SAP130: variants seen among roughly 807,000 people sequenced by gnomAD.
The protein encoded by SAP130 is histone deacetylase complex subunit SAP130.
SAP130 carries 16 observed loss-of-function variants against 103.2 expected under a neutral mutation model. The ratio of observed to expected loss-of-function variants is 0.16; its 90% CI spans 0.10 to 0.24. The LOEUF is 0.24. Ranked by LOEUF, SAP130 falls within the 10% of genes least tolerant of loss-of-function variation. The probability of loss-of-function intolerance (pLI) is 1.00; values close to 1 mark genes in which losing one functional copy is unlikely to be tolerated. For missense variants in SAP130, 990 were observed against 1,359.7 expected, an observed-to-expected ratio of 0.73 and a Z score of 4.28; for synonymous variants, 477 against 497.0, an observed-to-expected ratio of 0.96 and a Z score of 0.53.
Position 127,955,171 on chromosome 2 carries a change from G to T in SAP130, c.2237C>A (p.Pro746Gln). The change falls in exon 16 of 21, where the codon CCA becomes CAA. Residue 746 changes from proline to glutamine, a missense_variant. Around this residue, in one of 6 missense-constraint regions of SAP130, gnomAD observed 349 missense variants for 384.1 expected, o/e 0.91. Transcript: ENST00000643581. This position sits in a 1 kb window ranked among gnomAD's most constrained non-coding sequence, Gnocchi z 4.9. The stretch of plus-strand genomic sequence containing the variant: ...AGGAATGGTTGAAAGGGCAACGGCT[G>T]GTTGTGACGGGGGACTGGCTGCTGC... ...MIAAASPPSQ[P>Q]AVALSTIPGA... 1.2e-6 allele frequency: 2 copies of T among 1,614,182 alleles called. No individual in the cohort carries two copies. Among genetic ancestry groups the T allele is most frequent in the East Asian group, 2.2e-5 (1 of 44,882 alleles).
intron 18 of SAP130, 128 bp from the exon 19 acceptor site, chr2:127,945,687 C>T (rs1679029961): frequency 1.6e-6 from 1 of 628,036 alleles, no homozygotes; most frequent in Non-Finnish European, 2.8e-6. Flanking sequence ...GTGTCTGGCT[C>T]TGTCACCCAG....
chr2:127,998,900 T>C (rs1382459978), intron 10 of SAP130, among the ~76,000 whole-genome samples: 1 of 152,220 alleles, frequency 6.6e-6, no homozygotes, highest in Non-Finnish European at 1.5e-5. Flanking sequence ...GTGATAGCAC[T>C]CAGGAGAGCT....
In SAP130 at chr2:128,001,383, T is replaced by C. The variant is rs140502801; in HGVS notation, c.870-929A>G. ...AGACCCTGTCTCCAATAAAATAAAA[T>C]GCAAAGAATCACTTCAGGTGACATT... On this transcript the variant is annotated intron_variant, in intron 7 of 20. Coordinates refer to ENST00000643581, the MANE Select transcript of SAP130 (RefSeq NM_001330301.2). 4.5e-3 allele frequency among the ~76,000 whole-genome samples: 690 copies of C among 152,270 alleles called. 5 individuals are homozygous for C. Among genetic ancestry groups the C allele is most frequent in the African/African-American group, 0.016 (648 of 41,556 alleles).
At chr2:127,945,891 A>C (rs560973613) in intron 18 of SAP130, among the ~76,000 whole-genome samples, 1 of 152,278 alleles carries the variant, frequency 6.6e-6, no homozygotes, top group Non-Finnish European at 1.5e-5. Flanking sequence ...GGGCTCAAGC[A>C]ATTTGCCTGC....
intron 12 of SAP130, among the ~76,000 whole-genome samples, chr2:127,992,811 C>T (rs1682905803): frequency 6.6e-6 from 1 of 152,010 alleles, no homozygotes; most frequent in Admixed American, 6.6e-5. Context: ...TACCATGGAA[C>T]CTAAAGTAAA....
chr2:127,950,048 G>A, intron 17 of SAP130, 54 bp from the exon 18 acceptor site: 1 of 1,610,034 alleles, frequency 6.2e-7, no homozygotes, highest in South Asian at 1.1e-5. Context: ...AATCCTCAAA[G>A]TTCATTTCCA....
intron 7 of SAP130, among the ~76,000 whole-genome samples, chr2:128,009,867 A>G (rs1684257472): frequency 6.6e-6 from 1 of 152,144 alleles, no homozygotes; most frequent in South Asian, 2.1e-4. Context: ...CTTCTCTCCG[A>G]TAACCATATA....
chr2:127,977,598 A>C (rs1056461791), intron 15 of SAP130, among the ~76,000 whole-genome samples: 5 of 152,258 alleles, frequency 3.3e-5, no homozygotes, highest in Non-Finnish European at 7.3e-5. Context: ...GTGTTTTAAA[A>C]GTATCATTTT....
chr2:127,979,882 T>C (rs926947219), intron 14 of SAP130, among the ~76,000 whole-genome samples: 2 of 147,308 alleles, frequency 1.4e-5, no homozygotes, highest in African/African-American at 2.5e-5. Flanking sequence ...ATTTTTTTCT[T>C]TTTTTTTTTT....
chr2:127,969,995 C>A (rs1007624034), intron 15 of SAP130, among the ~76,000 whole-genome samples: 1 of 152,030 alleles, frequency 6.6e-6, no homozygotes, highest in African/African-American at 2.4e-5. Context: ...TCTGGGAGGC[C>A]GAGGTGGGCG....
intron 12 of SAP130, among the ~76,000 whole-genome samples, 159 bp from the exon 13 acceptor site, chr2:127,990,025 C>A (rs6430959): frequency 0.86 from 130,885 of 152,184 alleles, 56,466 homozygotes; most frequent in East Asian, 0.99. Context: ...TTGAAACTTA[C>A]TATACTTGGG....
chr2:127,960,034 A>G (rs1680128501), intron 15 of SAP130, among the ~76,000 whole-genome samples: 1 of 152,178 alleles, frequency 6.6e-6, no homozygotes, highest in African/African-American at 2.4e-5. Flanking sequence ...GGGACTGTAC[A>G]GGTAAGAGCC....
At position 127,942,348 on chromosome 2, in the gene SAP130, G is replaced by A; in HGVS notation, c.3015+76C>T. ...ACTGAAGATATGAGGGAGACGGGGG[G>A]AAACGGGAGAAGTAGGGCTTTACAG... On this transcript the variant is annotated intron_variant, in intron 20 of 20. Transcript: ENST00000643581. The surrounding 1 kb of genome is among the most constrained non-coding windows in gnomAD (Gnocchi z 4.8). 1 of 1,157,956 alleles carries A rather than the reference G, an allele frequency of 8.6e-7. No homozygotes were observed. Among genetic ancestry groups the A allele is most frequent in the Non-Finnish European group, 1.3e-6 (1 of 772,036 alleles). 71.7% of individuals were successfully genotyped at this position (1,157,956 alleles called of 1,614,324 possible). A position where few individuals can be genotyped will look rare whatever the true frequency, so the allele number is the denominator to read the frequency against.
rs1294233779 is a variant in SAP130 at position 128,017,737 on chromosome 2, G to C, written c.291C>G (p.Ala97=). 2 of 1,614,194 alleles carry C rather than the reference G, an allele frequency of 1.2e-6. No individual in the cohort carries two copies. The highest frequency in any genetic ancestry group is 8.5e-7 in the Non-Finnish European group (1 of 1,180,030). The part of the protein sequence containing the change: ...VASATPVAVT[A]PPAHLTPAVP... The stretch of plus-strand genomic sequence containing the variant: ...CTGCTGGCGTCAGGTGTGCTGGCGG[G>C]GCTGTCACTGCAACAGGTGTGGCTG... Residue 97 remains alanine (A), a synonymous_variant, in exon 3 of 21, where the codon GCC becomes GCG. Transcript: ENST00000643581.
At chr2:127,971,008 T>C (rs1681048024) in intron 15 of SAP130, among the ~76,000 whole-genome samples, 1 of 151,998 alleles carries the variant, frequency 6.6e-6, no homozygotes, top group Non-Finnish European at 1.5e-5. Flanking sequence ...TGCAGTGGAA[T>C]GACATGAACA....
At chr2:127,998,864 G>A (rs1259394464) in intron 10 of SAP130, among the ~76,000 whole-genome samples, 4 of 152,228 alleles carry the variant, frequency 2.6e-5, no homozygotes, top group East Asian at 3.8e-4. Flanking sequence ...CTTGATAAAC[G>A]TTAAGCGTCT....
At chr2:128,006,955 G>A (rs1684023822) in intron 7 of SAP130, among the ~76,000 whole-genome samples, 2 of 152,280 alleles carry the variant, frequency 1.3e-5, no homozygotes, top group South Asian at 4.1e-4. Context: ...AAAATCATCT[G>A]ATTAGGGTTT....
intron 4 of SAP130, among the ~76,000 whole-genome samples, chr2:128,015,394 A>G (rs1684699756): frequency 6.6e-6 from 1 of 152,164 alleles, no homozygotes; most frequent in African/African-American, 2.4e-5. Context: ...ACATTCTCCC[A>G]AACCACAGAG....
rs1260095771 is a variant in SAP130 at position 127,953,611 on chromosome 2, G to A, written c.2422+1375C>T. Among the ~76,000 whole-genome samples the A allele has an allele frequency of 1.3e-5, 2 of 152,064 alleles. No individual in the cohort carries two copies. The highest frequency in any genetic ancestry group is 4.8e-5 in the African/African-American group (2 of 41,426). On this transcript the variant is annotated intron_variant, in intron 16 of 20. Transcript: ENST00000643581. The surrounding 1 kb of genome is among the most constrained non-coding windows in gnomAD (Gnocchi z 4.0). ...ACTCCCCTTATTACTTAGCTCCAGC[G>A]ACCTTTGGTTCTTTGCTATATTTTG...
Sources: allele counts gnomAD v4.1 joint callset (sites outside exome capture counted in the v4.1 genomes callset), GRCh38; gene constraint gnomAD v4.1.1; regional missense constraint gnomAD v4.1.1; non-coding constraint Gnocchi (gnomAD v3.1); transcripts MANE v1.5; gene names NCBI Gene and HGNC (gene_info 2026-07-23, HGNC 2026-07-21).